DPH6: variants seen among roughly 807,000 people sequenced by gnomAD.
DPH6 encodes the protein diphthamine biosynthesis 6, also known as diphthine--ammonia ligase.
Under a neutral mutation model 38.2 loss-of-function variants are expected in DPH6, and 33 were observed. The ratio of observed to expected loss-of-function variants is 0.86; its 90% CI spans 0.65 to 1.15. The LOEUF is 1.15. Ranked by LOEUF, DPH6 falls within the 50% of genes most tolerant of loss-of-function variation. The pLI is 0.00. For missense variants in DPH6, 325 were observed against 320.0 expected, an observed-to-expected ratio of 1.02 and a Z score of -0.12; for synonymous variants, 108 against 103.0, an observed-to-expected ratio of 1.05 and a Z score of -0.30.
At chr15:35,337,134 G>C (rs1309658082) in intron 3 of DPH6, among the ~76,000 whole-genome samples, 1 of 152,070 alleles carries the variant, frequency 6.6e-6, no homozygotes, top group South Asian at 2.1e-4. Flanking sequence ...TCCTGTTATT[G>C]GTCTATTCAG....
chr15:35,353,732 C>A (rs143366789), intron 3 of DPH6, among the ~76,000 whole-genome samples: 5,491 of 152,218 alleles, frequency 0.036, 127 homozygotes, highest in Non-Finnish European at 0.054. Flanking sequence ...CAACTTTGTT[C>A]TTTTGGCTTA....
intron 3 of DPH6, among the ~76,000 whole-genome samples, chr15:35,531,696 C>G (rs1313578462): frequency 6.6e-6 from 1 of 152,156 alleles, no homozygotes; most frequent in Non-Finnish European, 1.5e-5. Context: ...TGGTCTTGAA[C>G]TCCTGAAAGT....
intron 4 of DPH6, among the ~76,000 whole-genome samples, chr15:35,452,497 CTCT>C (rs1290109359): frequency 1.3e-5 from 2 of 152,100 alleles, no homozygotes; most frequent in African/African-American, 4.8e-5. Context: ...CTCTCTCTCT[CTCT>C]CTCTCTCTCT....
chr15:35,418,144 CCAGCGGT>C (rs1456206326), intron 5 of DPH6, among the ~76,000 whole-genome samples: 5 of 151,994 alleles, frequency 3.3e-5, no homozygotes, highest in African/African-American at 1.2e-4. Context: ...CACCAAAATC[CCAGCGGT>C]CAGTACAATT....
chr15:35,450,784 G>A lies in DPH6; in HGVS notation c.406C>T (p.Gln136Ter), dbSNP rs759054480. The change falls in exon 5 of 9, where the codon CAG becomes TAG. Residue 136 changes from glutamine to a stop codon, truncating the protein, a stop_gained. Coordinates refer to ENST00000256538, the MANE Select transcript of DPH6 (RefSeq NM_080650.4). LOFTEE classifies it high-confidence loss of function. ...VENVCKRLNL[Q>*]PLAYLWQRNQ... is the part of the protein sequence containing the mutation. ...CTCTGCCAAAGATAAGCTAAAGGCT[G>A]GAGATTAAGCCTTTTACACCTACAA... 3.6e-5 allele frequency: 58 copies of A among 1,609,486 alleles called. No individual in the cohort carries two copies. The highest frequency in any genetic ancestry group is 4.8e-5 in the Non-Finnish European group (57 of 1,178,274).
At chr15:35,487,845 CT>C (rs750052924) in intron 3 of DPH6, among the ~76,000 whole-genome samples, 16 of 152,172 alleles carry the variant, frequency 1.1e-4, no homozygotes, top group Non-Finnish European at 1.5e-4. Flanking sequence ...CTCCGCTTCC[CT>C]TTTAAACATA....
intron 3 of DPH6, among the ~76,000 whole-genome samples, chr15:35,462,099 A>G (rs766160477): frequency 1.3e-5 from 2 of 152,170 alleles, no homozygotes; most frequent in Non-Finnish European, 2.9e-5. Context: ...CATCCTATCA[A>G]TCAGTAGTTC....
At chr15:35,147,353 T>A in the DPH6 span, among the ~76,000 whole-genome samples, 1 of 152,234 alleles carries the variant, frequency 6.6e-6, no homozygotes, top group African/African-American at 2.4e-5. Context: ...TATTTCATCA[T>A]TTATTTTTTT....
At chr15:35,256,511 A>T (rs1231579215) in intron 3 of DPH6, among the ~76,000 whole-genome samples, 2 of 152,242 alleles carry the variant, frequency 1.3e-5, no homozygotes, top group East Asian at 3.8e-4. Flanking sequence ...AATGTATTCA[A>T]TGTACTAAAA....
At chr15:35,514,426 C>A (rs1409721629) in intron 3 of DPH6, among the ~76,000 whole-genome samples, 1 of 152,066 alleles carries the variant, frequency 6.6e-6, no homozygotes, top group South Asian at 2.1e-4. Flanking sequence ...TTTGACAGAA[C>A]CTAGTCAATG....
intron 3 of DPH6, among the ~76,000 whole-genome samples, chr15:35,297,803 CA>C (rs904150674): frequency 1.3e-5 from 2 of 151,756 alleles, no homozygotes; most frequent in East Asian, 2.0e-4. Context: ...CCACCCCTGT[CA>C]AAAAAACTTT....
At chr15:35,545,073 A>C (rs183127280) in intron 1 of DPH6, among the ~76,000 whole-genome samples, 1 of 152,200 alleles carries the variant, frequency 6.6e-6, no homozygotes, top group African/African-American at 2.4e-5. Flanking sequence ...CTGAAATCTC[A>C]TATCAAGTCC....
intron 6 of DPH6, among the ~76,000 whole-genome samples, chr15:35,410,378 T>C (rs1317302593): frequency 6.6e-6 from 1 of 151,742 alleles, no homozygotes; most frequent in Non-Finnish European, 1.5e-5. Flanking sequence ...CAATGAGAAG[T>C]TAAGTAGAGT....
chr15:35,338,191 T>C (rs1431054295), intron 3 of DPH6, among the ~76,000 whole-genome samples: 1 of 152,008 alleles, frequency 6.6e-6, no homozygotes, highest in Non-Finnish European at 1.5e-5. Context: ...GGGATCTAAT[T>C]AAACTAAAGA....
chr15:35,254,386 G>A (rs917335040), intron 3 of DPH6, among the ~76,000 whole-genome samples: 19 of 152,190 alleles, frequency 1.2e-4, no homozygotes, highest in African/African-American at 4.3e-4. Flanking sequence ...ATGGGAAGCT[G>A]AATCATTTCA....
At chr15:35,438,045 T>G (rs1433862802) in intron 5 of DPH6, among the ~76,000 whole-genome samples, 1 of 152,184 alleles carries the variant, frequency 6.6e-6, no homozygotes, top group Non-Finnish European at 1.5e-5. Context: ...ATGGTTAAAG[T>G]TGGATAATAA....
chr15:35,206,946 C>T, the DPH6 span, among the ~76,000 whole-genome samples: 1 of 147,094 alleles, frequency 6.8e-6, no homozygotes, highest in Non-Finnish European at 1.5e-5. Flanking sequence ...ATAAAACCAT[C>T]ATATCATATC....
At chr15:35,539,494 C>T (rs985901364) in intron 2 of DPH6, among the ~76,000 whole-genome samples, 7 of 151,916 alleles carry the variant, frequency 4.6e-5, no homozygotes, top group African/African-American at 1.7e-4. Context: ...TCTTCCTAAG[C>T]TAATATGCTT....
chr15:35,480,954 T>C (rs1370659523), intron 3 of DPH6, among the ~76,000 whole-genome samples: 1 of 141,028 alleles, frequency 7.1e-6, no homozygotes, highest in Admixed American at 7.4e-5. Context: ...TGGAAGAACA[T>C]ACAACCATAT....
Sources: allele counts gnomAD v4.1 joint callset (sites outside exome capture counted in the v4.1 genomes callset), GRCh38; gene constraint gnomAD v4.1.1; transcripts MANE v1.5; gene names NCBI Gene and HGNC (gene_info 2026-07-23, HGNC 2026-07-21).